The following UBE2E2 variants were observed in gnomAD, a reference collection of about 807,000 sequenced individuals.
UBE2E2 encodes ubiquitin conjugating enzyme E2 E2.
In UBE2E2, 6 loss-of-function variants were observed where a neutral mutation model predicts 24.7. That is an observed-to-expected ratio of 0.24 (90% CI 0.13 to 0.48). The LOEUF (loss-of-function observed/expected upper bound fraction) is 0.48, where lower values mean the gene tolerates loss of function less well. Among genes scored for constraint, UBE2E2 ranks in the 20% least tolerant of loss-of-function variants. The pLI, the probability that UBE2E2 is intolerant of heterozygous loss-of-function variation, is 0.99. For synonymous variants in UBE2E2, 104 were observed against 83.6 expected (o/e 1.24, Z -1.33); for missense variants, 169 against 245.0 (o/e 0.69, Z 2.07).
At chr3:23,270,144 C>A (rs565585970) in intron 3 of UBE2E2, among the ~76,000 whole-genome samples, 4 of 129,200 alleles carry the variant, frequency 3.1e-5, no homozygotes, top group Admixed American at 9.2e-5. Flanking sequence ...CTTTCCACCC[C>A]CCTCCTCCTT....
At chr3:23,497,992 A>T (rs1699641187) in intron 3 of UBE2E2, among the ~76,000 whole-genome samples, 1 of 152,234 alleles carries the variant, frequency 6.6e-6, no homozygotes, top group South Asian at 2.1e-4. Flanking sequence ...ATTTTGTAAA[A>T]TAATATTACT....
chr3:23,246,874 G>A (rs1202254436), intron 3 of UBE2E2, among the ~76,000 whole-genome samples: 2 of 152,146 alleles, frequency 1.3e-5, no homozygotes, highest in South Asian at 2.1e-4. Context: ...AAACCACAAT[G>A]TAGACTTTCT....
chr3:23,450,342 G>A (rs1698536295), intron 3 of UBE2E2, among the ~76,000 whole-genome samples: 1 of 152,126 alleles, frequency 6.6e-6, no homozygotes, highest in Non-Finnish European at 1.5e-5. Flanking sequence ...CTGAGTCCTT[G>A]ACGTGTGGTT....
chr3:23,381,596 G>T (rs1257126418), intron 3 of UBE2E2, among the ~76,000 whole-genome samples: 2 of 152,102 alleles, frequency 1.3e-5, no homozygotes, highest in African/African-American at 2.4e-5. Flanking sequence ...TGAAATTCAG[G>T]CACATGGAGC....
intron 3 of UBE2E2, among the ~76,000 whole-genome samples, chr3:23,236,982 C>A (rs1697130106): frequency 6.6e-6 from 1 of 152,160 alleles, no homozygotes. Flanking sequence ...TCCCAGCGCA[C>A]CCGTGGGACC....
chr3:23,457,077 G>A (rs1049963324), intron 3 of UBE2E2, among the ~76,000 whole-genome samples: 1 of 152,196 alleles, frequency 6.6e-6, no homozygotes, highest in Admixed American at 6.5e-5. Flanking sequence ...GAACAATGGT[G>A]AAAACAAGCT....
Position 23,519,855 on chromosome 3 carries a change from T to C in UBE2E2, c.361-12699T>C, listed in dbSNP as rs538659171. On this transcript the variant is annotated intron_variant, in intron 4 of 5. Coordinates refer to ENST00000396703, the MANE Select transcript of UBE2E2 (RefSeq NM_152653.4). Reference sequence around the variant, plus strand: ...CCATGCCCAGCTAATTTTTTTTTTTTCATTATTTTGTAGAGACGGAGTTTT... The same window carrying C: ...CCATGCCCAGCTAATTTTTTTTTTTCCATTATTTTGTAGAGACGGAGTTTT... Among the ~76,000 whole-genome samples the C allele has an allele frequency of 3.4e-4, 52 of 151,886 alleles. No individual in the cohort carries two copies. In the East Asian group the frequency reaches 5.6e-3, roughly 16 times the overall value.
chr3:23,261,559 T>C (rs1282367458), intron 3 of UBE2E2, among the ~76,000 whole-genome samples: 4 of 152,178 alleles, frequency 2.6e-5, no homozygotes, highest in Non-Finnish European at 5.9e-5. Context: ...TGCTGTACAT[T>C]AGATTTCCAG....
At chr3:23,230,311 T>C (rs1242956512) in intron 3 of UBE2E2, among the ~76,000 whole-genome samples, 1 of 152,144 alleles carries the variant, frequency 6.6e-6, no homozygotes, top group Non-Finnish European at 1.5e-5. Context: ...GAGAGAGAAA[T>C]AGGACTTCCT....
At chr3:23,574,271 A>G (rs7609845) in intron 5 of UBE2E2, among the ~76,000 whole-genome samples, 58,427 of 151,974 alleles carry the variant, frequency 0.38, 11,790 homozygotes, top group East Asian at 0.51. Flanking sequence ...CAGCTAATGG[A>G]TACAAACAGT....
At chr3:23,247,330 G>T (rs1210869015) in intron 3 of UBE2E2, among the ~76,000 whole-genome samples, 1 of 150,652 alleles carries the variant, frequency 6.6e-6, no homozygotes, top group African/African-American at 2.4e-5. Context: ...AAATAACCTA[G>T]TTACATATTA....
chr3:23,207,901 A>G (rs774303500), intron 1 of UBE2E2, among the ~76,000 whole-genome samples: 5 of 152,234 alleles, frequency 3.3e-5, no homozygotes, highest in Non-Finnish European at 7.3e-5. Context: ...ATTTATTATT[A>G]GAATTGTGCA....
chr3:23,328,087 A>G (rs1284919811), intron 3 of UBE2E2, among the ~76,000 whole-genome samples: 1 of 152,196 alleles, frequency 6.6e-6, no homozygotes, highest in Non-Finnish European at 1.5e-5. Context: ...GAGGAAATCA[A>G]ATGTTTTCTT....
At chr3:23,213,380 A>G (rs1297879619) in intron 2 of UBE2E2, among the ~76,000 whole-genome samples, 1 of 151,988 alleles carries the variant, frequency 6.6e-6, no homozygotes, top group Non-Finnish European at 1.5e-5. Flanking sequence ...AGTCTGAGTG[A>G]ATCATGATTG....
intron 3 of UBE2E2, among the ~76,000 whole-genome samples, chr3:23,313,670 C>T (rs908653735): frequency 6.6e-6 from 1 of 151,810 alleles, no homozygotes; most frequent in Non-Finnish European, 1.5e-5. Context: ...GGTGTGAGCC[C>T]CGGTGCCCAG....
At chr3:23,306,671 C>T (rs1434315291) in intron 3 of UBE2E2, among the ~76,000 whole-genome samples, 1 of 152,152 alleles carries the variant, frequency 6.6e-6, no homozygotes, top group Non-Finnish European at 1.5e-5. Flanking sequence ...CTGCTTCACT[C>T]CTCCTGGTTG....
chr3:23,533,251 T>A (rs1457625979), intron 5 of UBE2E2, among the ~76,000 whole-genome samples: 1 of 152,206 alleles, frequency 6.6e-6, no homozygotes, highest in Non-Finnish European at 1.5e-5. Context: ...AGCCAGGCCT[T>A]TATGGCTTGC....
chr3:23,255,234 C>T (rs1264828507), intron 3 of UBE2E2, among the ~76,000 whole-genome samples: 4 of 151,300 alleles, frequency 2.6e-5, no homozygotes, highest in Non-Finnish European at 5.9e-5. Flanking sequence ...CAGGCACACA[C>T]CACTGTGCCC....
intron 3 of UBE2E2, among the ~76,000 whole-genome samples, chr3:23,307,916 G>A (rs1327507368): frequency 6.6e-6 from 1 of 152,122 alleles, no homozygotes; most frequent in Non-Finnish European, 1.5e-5. Context: ...TTTATAGGAG[G>A]ACAAAATCAG....
Sources: gnomAD v4.1 joint callset for allele counts (sites outside exome capture counted in the v4.1 genomes callset) on GRCh38, gnomAD v4.1.1 for gene constraint, MANE v1.5 for transcripts, NCBI Gene and HGNC (gene_info 2026-07-23, HGNC 2026-07-21) for gene names.